The following ANO8 variants were observed in gnomAD, a reference collection of about 807,000 sequenced individuals.
ANO8 encodes the protein anoctamin 8.
In ANO8, 67 loss-of-function variants were observed where a neutral mutation model predicts 120.4. The ratio of observed to expected loss-of-function variants is 0.56; its 90% CI spans 0.46 to 0.68. ANO8 has a LOEUF of 0.68. Ranked by LOEUF, ANO8 falls within the 30% of genes least tolerant of loss-of-function variation. ANO8 has a pLI of 0.00. For synonymous variants in ANO8, 727 were observed against 759.2 expected, an observed-to-expected ratio of 0.96 and a Z score of 0.70; for missense variants, 1,526 against 1,737.6, an observed-to-expected ratio of 0.88 and a Z score of 2.16.
intron 16 of ANO8, among the ~76,000 whole-genome samples, chr19:17,326,872 G>C (rs898750239): frequency 2.6e-5 from 4 of 152,192 alleles, no homozygotes; most frequent in African/African-American, 9.7e-5. Context: ...GGCCAGCCTC[G>C]TGCTGGATGC....
rs926706960 is a variant in ANO8, at chr19:17,330,920, C to T, written c.901G>A (p.Glu301Lys). 8 of 1,614,014 alleles carry T rather than the reference C, an allele frequency of 5.0e-6. No homozygotes were observed. The highest frequency in any genetic ancestry group is 2.2e-5 in the East Asian group (1 of 44,870). Residue 301 changes from glutamate (E) to lysine (K), a missense_variant, in exon 8 of 18, where the codon GAA (glutamate) becomes AAA (lysine). Glu to Lys is a moderately conservative substitution (Grantham distance 56, BLOSUM62 1). Around this residue, in one of 8 missense-constraint regions of ANO8, gnomAD observed 322 missense variants for 431.8 expected, o/e 0.75. Transcript: ENST00000159087. ...NVIWSTLFLE[E>K]WKRRGAELAY... ...AGCTCAGCCCCTCTCCGCTTCCATT[C>T]CTCTAGGAACAGCGTCGACCAGATC...
At position 17,328,430 on chromosome 19, in the gene ANO8, A is replaced by T. The variant is rs759155514; in HGVS notation, c.1958T>A (p.Val653Glu). The T allele has an allele frequency of 6.4e-7, 1 of 1,569,684 alleles. No individual in the cohort carries two copies. Among genetic ancestry groups the T allele is most frequent in the Non-Finnish European group, 8.6e-7 (1 of 1,164,436 alleles). The change falls in exon 13 of 18, where the codon GTG becomes GAG. Residue 653 changes from valine to glutamate, a missense_variant. Val to Glu is a moderately radical substitution (Grantham distance 121). Around this residue, in one of 8 missense-constraint regions of ANO8, gnomAD observed 467 missense variants for 425.8 expected, o/e 1.10. Coordinates refer to ENST00000159087, the MANE Select transcript of ANO8 (RefSeq NM_020959.3). ...GTCGTCCTCCTCGGCCAGGGTGAAC[A>T]CTCCCGGCTCCAGCCCCTTCTCCAC... ...TMVEKGLEPG[V>E]FTLAEEDDEA...
Position 17,323,839 on chromosome 19 carries a change from C to T in ANO8, c.3377G>A (p.Arg1126His), listed in dbSNP as rs2074255139. The T allele has an allele frequency of 8.0e-6, 9 of 1,127,972 alleles. No homozygotes were observed. Among genetic ancestry groups the T allele is most frequent in the East Asian group, 4.6e-5 (1 of 21,732 alleles). 69.9% of individuals were successfully genotyped at this position (1,127,972 alleles called of 1,614,324 possible). The change falls in exon 18 of 18, where the codon CGC (arginine) becomes CAC (histidine). Residue 1126 changes from arginine to histidine, a missense_variant. By Grantham distance (29) the Arg-to-His change is conservative (BLOSUM62 0). Around this residue, in one of 8 missense-constraint regions of ANO8, gnomAD observed 489 missense variants for 548.6 expected, o/e 0.89. Coordinates refer to ENST00000159087, the MANE Select transcript of ANO8 (RefSeq NM_020959.3). ...PVGAPALRTR[R>H]SRSPAPPPPM... is the part of the protein sequence containing the mutation. ...CGGCGGCGGCGCGGGGCTCCGGCTG[C>T]GGCGGGTGCGGAGGGCAGGGGCGCC...
chr19:17,329,554 C>A (rs1189716195), intron 12 of ANO8: 2 of 601,616 alleles, frequency 3.3e-6, no homozygotes, highest in Middle Eastern at 4.4e-4. Flanking sequence ...GTGAAGGGAC[C>A]GACGGACAGA....
At chr19:17,331,538 G>A in intron 5 of ANO8, 127 bp from the exon 6 acceptor site, 1 of 783,404 alleles carries the variant, frequency 1.3e-6, no homozygotes, top group Non-Finnish European at 2.2e-6. Flanking sequence ...TCTTTCCAGG[G>A]GAGAAGTTCT....
intron 8 of ANO8, 112 bp downstream of exon 8, chr19:17,330,716 C>A: frequency 2.0e-6 from 3 of 1,474,032 alleles, no homozygotes; most frequent in Non-Finnish European, 2.7e-6. Context: ...TTTGGCATAC[C>A]CTCTTTGATG....
chr19:17,333,861 T>G lies in ANO8; in HGVS notation c.107-61A>C. ...TCTGGGATCCGGACCCGGCCTCCAGTCTTGGCTCCTCCTGCCCCCGCCAGG... is the reference window on the plus strand; with the variant it reads ...TCTGGGATCCGGACCCGGCCTCCAGGCTTGGCTCCTCCTGCCCCCGCCAGG... On this transcript the variant is annotated intron_variant, in intron 1 of 17. Transcript: ENST00000159087. The surrounding 1 kb of genome is among the most constrained non-coding windows in gnomAD (Gnocchi z 7.2). 7.1e-7 allele frequency: 1 copy of G among 1,400,930 alleles called. No homozygotes were observed. The allele number at this position is 1,400,930 out of a possible 1,614,324, so 86.8% of individuals were successfully genotyped here.
At chr19:17,324,001 T>G in intron 17 of ANO8, 117 bp from the exon 18 acceptor site, 2 of 1,012,630 alleles carry the variant, frequency 2.0e-6, no homozygotes, top group South Asian at 9.4e-5. Context: ...CCTTATTGCT[T>G]CTGATCAGAG....
At position 17,328,931 on chromosome 19, in the gene ANO8, A is replaced by C; in HGVS notation, c.1457T>G (p.Val486Gly). ...GCGCCGGTACAGGTGCGGCTGCAGG[A>C]CCTCGCGCACGTTCTGGAGGAACTG... is the stretch of plus-strand genomic sequence containing the variant. ...TRQFLQNVREVLQPHLYRRLG... is the reference protein window; with the variant it reads ...TRQFLQNVREGLQPHLYRRLG... The change falls in exon 13 of 18, where the codon GTC becomes GGC. Residue 486 changes from valine to glycine, a missense_variant. Physicochemically the swap from Val to Gly is moderately radical, Grantham distance 109 (BLOSUM62 -3). This residue lies in a region of ANO8 where 467 missense variants were observed against 425.8 expected (regional missense o/e 1.10). Coordinates refer to ENST00000159087, the MANE Select transcript of ANO8 (RefSeq NM_020959.3). 6.6e-7 allele frequency: 1 copy of C among 1,510,770 alleles called. No homozygotes were observed. Among genetic ancestry groups the C allele is most frequent in the South Asian group, 1.2e-5 (1 of 81,084 alleles). The allele number at this position is 1,510,770 out of a possible 1,614,324, so 93.6% of individuals were successfully genotyped here.
rs1164427052 is a variant in ANO8 at position 17,333,759 on chromosome 19, G to T, written c.148C>A (p.Leu50Met). 6.2e-7 allele frequency: 1 copy of T among 1,608,024 alleles called. No homozygotes were observed. Among genetic ancestry groups the T allele is most frequent in the South Asian group, 1.1e-5 (1 of 90,010 alleles). The change falls in exon 2 of 18, where the codon CTG becomes ATG. Residue 50 changes from leucine (L) to methionine (M), a missense_variant. Coordinates refer to ENST00000159087, the MANE Select transcript of ANO8 (RefSeq NM_020959.3). This position sits in a 1 kb window ranked among gnomAD's most constrained non-coding sequence, Gnocchi z 7.2. ...GKRLLQAGRY[L>M]VSHKAWMKTV... ...TTCATCCACGCCTTGTGGGACACCA[G>T]GTAGCGACCAGCCTGCAGGAGCCGC...
chr19:17,333,583 C>G lies in ANO8; in HGVS notation c.218-29G>C. On this transcript the variant is annotated intron_variant, in intron 2 of 17. Transcript: ENST00000159087. The surrounding 1 kb of genome is among the most constrained non-coding windows in gnomAD (Gnocchi z 7.2). ...CCAAGGGGCACAGGGACCGATGGCT[C>G]CTGCCACGAGGGGGCCCAAGGCCTC... 1.2e-6 allele frequency: 2 copies of G among 1,610,362 alleles called. No individual in the cohort carries two copies. The highest frequency in any genetic ancestry group is 1.1e-5 in the South Asian group (1 of 91,016).
At position 17,333,310 on chromosome 19, in the gene ANO8, C is replaced by T. The variant is rs2074333720; in HGVS notation, c.351-71G>A. 2.5e-6 allele frequency: 4 copies of T among 1,600,902 alleles called. No individual in the cohort carries two copies. In the Admixed American group the frequency reaches 5.0e-5, roughly 20 times the overall value. ...CACCATCCTGGAGCTGAGGATGGTG[C>T]ACCTGGCAGCCTTTGGGACAAACGC... On this transcript the variant is annotated intron_variant, in intron 3 of 17. Transcript: ENST00000159087. The surrounding 1 kb of genome is among the most constrained non-coding windows in gnomAD (Gnocchi z 7.2).
intron 16 of ANO8, among the ~76,000 whole-genome samples, chr19:17,326,624 T>G (rs1173170374): frequency 2.6e-5 from 4 of 152,336 alleles, no homozygotes; most frequent in Admixed American, 1.3e-4. Context: ...TCGCAGCAGC[T>G]GCACTTCAAC....
chr19:17,333,353 T>C lies in ANO8; in HGVS notation c.350+69A>G, dbSNP rs1157970892. 3 of 1,610,260 alleles carry C rather than the reference T, an allele frequency of 1.9e-6. No homozygotes were observed. The highest frequency in any genetic ancestry group is 2.5e-6 in the Non-Finnish European group (3 of 1,178,056). On this transcript the variant is annotated intron_variant, in intron 3 of 17. Transcript: ENST00000159087. The surrounding 1 kb of genome is among the most constrained non-coding windows in gnomAD (Gnocchi z 7.2). ...ACAAACGCAGGGCGGCTGGATAGCA[T>C]GGTTGGCACTTGGTAGAGCGGGGAG... is the stretch of plus-strand genomic sequence containing the variant.
chr19:17,330,011 T>C lies in ANO8; in HGVS notation c.1277A>G (p.Asn426Ser). ...KLAIWLNDME[N>S]YRLESAYEKH... Reference sequence around the variant, plus strand: ...CTCATAGGCGCTCTCCAGCCGGTAATTTTCTAGGGGCCAAGGGGGGGAGTG... The same window carrying C: ...CTCATAGGCGCTCTCCAGCCGGTAACTTTCTAGGGGCCAAGGGGGGGAGTG... Residue 426 changes from asparagine (N) to serine (S), a missense_variant, in exon 11 of 18, where the codon AAT becomes AGT. Asn to Ser is a conservative substitution (Grantham distance 46, BLOSUM62 1). This residue lies in a region of ANO8 where 91 missense variants were observed against 85.3 expected (regional missense o/e 1.07). Coordinates refer to ENST00000159087, the MANE Select transcript of ANO8 (RefSeq NM_020959.3). The C allele has an allele frequency of 1.2e-6, 2 of 1,613,610 alleles. No individual in the cohort carries two copies. The highest frequency in any genetic ancestry group is 1.7e-6 in the Non-Finnish European group (2 of 1,179,902).
chr19:17,333,726 G>A lies in ANO8; in HGVS notation c.181C>T (p.Pro61Ser), dbSNP rs1198954307. The stretch of plus-strand genomic sequence containing the variant: ...ATCAGCACGTCGCAGTTCTCTGTAG[G>A]CACCGTCTTCATCCACGCCTTGTGG... ...VSHKAWMKTV[P>S]TENCDVLMTF... Residue 61 changes from proline (P) to serine (S), a missense_variant, in exon 2 of 18, where the codon CCT (proline) becomes TCT (serine). This residue lies in a region of ANO8 where 322 missense variants were observed against 431.8 expected (regional missense o/e 0.75). Transcript: ENST00000159087. This position sits in a 1 kb window ranked among gnomAD's most constrained non-coding sequence, Gnocchi z 7.2. The A allele has an allele frequency of 3.1e-6, 5 of 1,608,508 alleles. No homozygotes were observed. The Admixed American group carries it at 5.0e-5, about 16-fold the overall frequency.
chr19:17,328,301 T>C lies in ANO8; in HGVS notation c.2087A>G (p.Asp696Gly). The change falls in exon 13 of 18, where the codon GAC (aspartate) becomes GGC (glycine). Residue 696 changes from aspartate (D) to glycine (G), a missense_variant. Physicochemically the swap from Asp to Gly is moderately conservative, Grantham distance 94. Coordinates refer to ENST00000159087, the MANE Select transcript of ANO8 (RefSeq NM_020959.3). ...GRDQGPDGGP[D>G]PEPGSNSDST... Reference sequence around the variant, plus strand: ...ATCGCTGTTGGAGCCGGGTTCCGGGTCCGGGCCCCCGTCGGGCCCCTGGTC... The same window carrying C: ...ATCGCTGTTGGAGCCGGGTTCCGGGCCCGGGCCCCCGTCGGGCCCCTGGTC... 1 of 1,602,684 alleles carries C rather than the reference T, an allele frequency of 6.2e-7. No homozygotes were observed. Among genetic ancestry groups the C allele is most frequent in the African/African-American group, 1.3e-5 (1 of 74,866 alleles).
intron 13 of ANO8, 112 bp downstream of exon 13, chr19:17,328,050 A>C (rs2074285043): frequency 1.5e-6 from 2 of 1,359,976 alleles, no homozygotes; most frequent in South Asian, 2.9e-5. Flanking sequence ...GCAGCATCCC[A>C]ACATCAATGG....
In ANO8 at chr19:17,330,392, A is replaced by T; in HGVS notation, c.1106T>A (p.Val369Asp). Residue 369 changes from valine (V) to aspartate (D), a missense_variant, in exon 9 of 18, where the codon GTC (valine) becomes GAC (aspartate). Val to Asp is a radical substitution (Grantham distance 152). Coordinates refer to ENST00000159087, the MANE Select transcript of ANO8 (RefSeq NM_020959.3). ...GCCAAGCATGAGCAAGAAGACACAG[A>T]CGAGGCACGCCAGGCACAGGGGGAG... ...VSLPLCLACL[V>D]CVFLLMLGCF... The T allele has an allele frequency of 6.3e-7, 1 of 1,587,010 alleles. No homozygotes were observed. The highest frequency in any genetic ancestry group is 1.1e-5 in the South Asian group (1 of 87,992).
Sources: gnomAD v4.1 joint callset for allele counts (sites outside exome capture counted in the v4.1 genomes callset) on GRCh38, gnomAD v4.1.1 for gene constraint, gnomAD v4.1.1 regional missense constraint, Gnocchi (gnomAD v3.1) non-coding constraint, MANE v1.5 for transcripts, NCBI Gene and HGNC (gene_info 2026-07-23, HGNC 2026-07-21) for gene names.